SAMMSON: variants seen among roughly 807,000 people sequenced by gnomAD.
SAMMSON encodes the protein long intergenic non-protein coding RNA 1212.
chr3:70,013,090 T>G (rs1559771910), intron 2 of SAMMSON, among the ~76,000 whole-genome samples: 2 of 152,136 alleles, frequency 1.3e-5, no homozygotes. Flanking sequence ...AGGATAAAAT[T>G]AACTACCTGT....
chr3:70,291,603 G>A (rs1255886736), intron 7 of SAMMSON, among the ~76,000 whole-genome samples: 5 of 151,992 alleles, frequency 3.3e-5, no homozygotes, highest in Non-Finnish European at 4.4e-5. Context: ...TGGGAACATC[G>A]GATCCACAAA....
chr3:70,108,414 T>C (rs1232517692), intron 4 of SAMMSON, among the ~76,000 whole-genome samples: 1 of 147,862 alleles, frequency 6.8e-6, no homozygotes, highest in Admixed American at 6.8e-5. Context: ...TTCTCAACTC[T>C]TGCGGTTCCT....
At chr3:70,004,547 A>G (rs1245512315) in intron 1 of SAMMSON, among the ~76,000 whole-genome samples, 1 of 152,222 alleles carries the variant, frequency 6.6e-6, no homozygotes, top group Non-Finnish European at 1.5e-5. Flanking sequence ...CTTACAGCTT[A>G]AAAGAGGTAC....
rs369874187 is a variant in SAMMSON, at chr3:70,198,739, G to A, written n.508-50368G>A. Among the ~76,000 whole-genome samples, 4 of 152,246 alleles carry A rather than the reference G, an allele frequency of 2.6e-5. No homozygotes were observed. The East Asian group carries it at 5.8e-4, about 22-fold the overall frequency. On this transcript the variant is annotated intron_variant and non_coding_transcript_variant, in intron 4 of 9. Transcript: ENST00000642114. Reference sequence around the variant, plus strand: ...CTACTCAGTATTTATAGTTCAGGCAGCATATTCCACAATACCTCTACTGTG... The same window carrying A: ...CTACTCAGTATTTATAGTTCAGGCAACATATTCCACAATACCTCTACTGTG...
At chr3:70,202,166 G>T (rs1006141310) in intron 4 of SAMMSON, among the ~76,000 whole-genome samples, 62 of 152,096 alleles carry the variant, frequency 4.1e-4, no homozygotes, top group Admixed American at 1.6e-3. Context: ...TGGTCTATCT[G>T]GTAATGGTTA....
chr3:70,209,664 T>A (rs921686722), intron 4 of SAMMSON, among the ~76,000 whole-genome samples: 1 of 152,096 alleles, frequency 6.6e-6, no homozygotes, highest in African/African-American at 2.4e-5. Context: ...GCTTTGTGCT[T>A]GTCCTTTTCC....
At chr3:70,026,255 T>C (rs1221164063) in intron 3 of SAMMSON, among the ~76,000 whole-genome samples, 2 of 152,178 alleles carry the variant, frequency 1.3e-5, no homozygotes, top group African/African-American at 4.8e-5. Flanking sequence ...GAGAACAGGA[T>C]TTCTGATTTC....
At chr3:70,105,130 A>T (rs2067362562) in intron 4 of SAMMSON, among the ~76,000 whole-genome samples, 1 of 152,104 alleles carries the variant, frequency 6.6e-6, no homozygotes, top group Non-Finnish European at 1.5e-5. Context: ...GAATCAAGGG[A>T]AATGTAACCC....
At chr3:70,169,095 C>A (rs1245968807) in intron 4 of SAMMSON, among the ~76,000 whole-genome samples, 1 of 151,938 alleles carries the variant, frequency 6.6e-6, no homozygotes, top group Non-Finnish European at 1.5e-5. Flanking sequence ...AAGAAAGTTT[C>A]TATCATGGAA....
intron 4 of SAMMSON, among the ~76,000 whole-genome samples, chr3:70,182,796 A>G (rs1310958150): frequency 1.3e-4 from 20 of 152,168 alleles, no homozygotes. Flanking sequence ...ATGCATGTTC[A>G]TTATGAATGA....
intron 4 of SAMMSON, among the ~76,000 whole-genome samples, chr3:70,230,632 CA>C (rs935624003): frequency 3.3e-5 from 5 of 152,070 alleles, no homozygotes; most frequent in African/African-American, 1.2e-4. Flanking sequence ...TTAACAACAA[CA>C]AAAAAAGTTG....
chr3:70,072,133 G>A (rs1342337628), intron 4 of SAMMSON: 3 of 151,658 alleles, frequency 2.0e-5, no homozygotes, highest in Non-Finnish European at 4.4e-5. Flanking sequence ...CCCGCTCCTC[G>A]TTTTTTCTTT....
chr3:70,203,965 A>G (rs1701266969), intron 4 of SAMMSON, among the ~76,000 whole-genome samples: 1 of 152,140 alleles, frequency 6.6e-6, no homozygotes, highest in African/African-American at 2.4e-5. Flanking sequence ...GATGAACCAC[A>G]ATTTAGTAAT....
At chr3:70,090,918 T>C (rs1321819208) in intron 4 of SAMMSON, among the ~76,000 whole-genome samples, 1 of 152,170 alleles carries the variant, frequency 6.6e-6, no homozygotes, top group Non-Finnish European at 1.5e-5. Context: ...CAGTAGCATA[T>C]TATTAGAAAT....
At chr3:70,142,675 A>G (rs1576133741) in intron 4 of SAMMSON, among the ~76,000 whole-genome samples, 1 of 152,204 alleles carries the variant, frequency 6.6e-6, no homozygotes, top group South Asian at 2.1e-4. Flanking sequence ...CAGTTCCCCA[A>G]TAACCTATGG....
chr3:70,079,431 A>G (rs529378652), intron 4 of SAMMSON, among the ~76,000 whole-genome samples: 8 of 152,256 alleles, frequency 5.3e-5, no homozygotes, highest in Admixed American at 3.9e-4. Flanking sequence ...ACCCTGACTT[A>G]TGATGGTGTG....
intron 7 of SAMMSON, among the ~76,000 whole-genome samples, chr3:70,321,582 T>G (rs1371753189): frequency 1.3e-5 from 2 of 152,046 alleles, no homozygotes; most frequent in Admixed American, 1.3e-4. Flanking sequence ...TTTTATGGTT[T>G]TCGTATTTTC....
intron 2 of SAMMSON, among the ~76,000 whole-genome samples, chr3:70,425,350 CCT>C (rs1701354176): frequency 1.3e-5 from 2 of 152,016 alleles, no homozygotes; most frequent in South Asian, 2.1e-4. Context: ...TTGCAAATAT[CCT>C]CTCTTAACCA....
intron 6 of SAMMSON, among the ~76,000 whole-genome samples, chr3:70,280,510 A>G (rs1464032603): frequency 6.6e-6 from 1 of 152,084 alleles, no homozygotes; most frequent in Non-Finnish European, 1.5e-5. Flanking sequence ...TTTCTAGGGG[A>G]GCTGAGCTGA....
Sources: allele counts gnomAD v4.1 joint callset (sites outside exome capture counted in the v4.1 genomes callset), GRCh38; gene constraint gnomAD v4.1.1; transcripts MANE v1.5; gene names NCBI Gene and HGNC (gene_info 2026-07-23, HGNC 2026-07-21).